Variants in MEF2A observed in about 807,000 individuals in gnomAD.
MEF2A encodes myocyte-specific enhancer factor 2A.
Under a neutral mutation model 55.8 loss-of-function variants are expected in MEF2A, and 28 were observed. The observed-to-expected ratio is 0.50, with a 90% confidence interval of 0.37 to 0.69. The LOEUF is 0.69. Among genes scored for constraint, MEF2A ranks in the 30% least tolerant of loss-of-function variants. MEF2A has a pLI of 0.00. For missense variants in MEF2A, 528 were observed against 626.2 expected (o/e 0.84, Z 1.67); for synonymous variants, 239 against 227.1 (o/e 1.05, Z -0.47).
chr15:99,667,444 C>T (rs976023173), intron 4 of MEF2A, among the ~76,000 whole-genome samples: 1 of 152,058 alleles, frequency 6.6e-6, no homozygotes, highest in Non-Finnish European at 1.5e-5. Context: ...AGGATGGTCT[C>T]AATCTCCTGA....
intron 5 of MEF2A, among the ~76,000 whole-genome samples, chr15:99,673,982 G>A (rs1045763509): frequency 3.3e-5 from 5 of 151,706 alleles, no homozygotes; most frequent in East Asian, 1.9e-4. Context: ...TTCTCCTTCC[G>A]TTATATTTGG....
At chr15:99,627,283 GAT>G (rs2042190613) in intron 2 of MEF2A, among the ~76,000 whole-genome samples, 1 of 151,906 alleles carries the variant, frequency 6.6e-6, no homozygotes, top group Admixed American at 6.6e-5. Context: ...AGCTGAACAT[GAT>G]GATGGATGCC....
intron 9 of MEF2A, 72 bp downstream of exon 9, chr15:99,703,457 TCTAA>T: frequency 6.7e-7 from 1 of 1,482,822 alleles, no homozygotes; most frequent in African/African-American, 1.4e-5. Flanking sequence ...CGTGTTGTTA[TCTAA>T]CCAATGTTCC....
intron 4 of MEF2A, among the ~76,000 whole-genome samples, chr15:99,664,780 T>C (rs956200450): frequency 2.6e-5 from 4 of 152,184 alleles, no homozygotes; most frequent in African/African-American, 9.7e-5. Context: ...GAAATGTTAG[T>C]AAAATATCCA....
rs139349838 is a variant in MEF2A at position 99,639,110 on chromosome 15, C to T, written c.54+5937C>T. ...GGTTCCAAAGGTAGAGTACAGAGAA[C>T]GATACTTCAAGGTTTGCTATATTCA... On this transcript the variant is annotated intron_variant, in intron 3 of 11. Coordinates refer to ENST00000557942, the MANE Select transcript of MEF2A (RefSeq NM_001319206.4). Among the ~76,000 whole-genome samples the T allele has an allele frequency of 3.3e-3, 506 of 152,130 alleles. 4 individuals are homozygous for T. Among genetic ancestry groups the T allele is most frequent in the African/African-American group, 0.01 (424 of 41,502 alleles).
chr15:99,674,720 C>A, intron 6 of MEF2A, 108 bp downstream of exon 6: 3 of 920,348 alleles, frequency 3.3e-6, no homozygotes, highest in Non-Finnish European at 5.0e-6. Context: ...CTTTGATGAG[C>A]AAGAATCACT....
intron 3 of MEF2A, among the ~76,000 whole-genome samples, chr15:99,640,085 T>C (rs981463853): frequency 3.3e-5 from 5 of 152,338 alleles, no homozygotes; most frequent in Middle Eastern, 3.4e-3. Context: ...TAAATCAAGA[T>C]TGGTTTTTTT....
intron 2 of MEF2A, among the ~76,000 whole-genome samples, chr15:99,603,212 C>T (rs193223030): frequency 7.6e-4 from 115 of 152,096 alleles, no homozygotes; most frequent in Middle Eastern, 3.4e-3. Context: ...CCTTGACCCA[C>T]GTCATTTTCA....
chr15:99,640,573 T>C (rs76146260), intron 3 of MEF2A, among the ~76,000 whole-genome samples: 1 of 151,038 alleles, frequency 6.6e-6, no homozygotes, highest in Non-Finnish European at 1.5e-5. Context: ...TTTTTTTTTT[T>C]TGAGACAGGG....
Position 99,657,068 on chromosome 15 carries a change from T to G in MEF2A, c.258+11304T>G, listed in dbSNP as rs151103343. Among the ~76,000 whole-genome samples the G allele has an allele frequency of 3.0e-3, 458 of 152,228 alleles. 4 individuals are homozygous for G. The highest frequency in any genetic ancestry group is 0.01 in the African/African-American group (428 of 41,558). On this transcript the variant is annotated intron_variant, in intron 4 of 11. Transcript: ENST00000557942. ...GATGGAGTCATGCAATATGTTCTTT[T>G]GTCCAGCTTTTTCACTTAGCATAAT...
chr15:99,577,979 A>G (rs1964824114), intron 1 of MEF2A, among the ~76,000 whole-genome samples: 1 of 152,316 alleles, frequency 6.6e-6, no homozygotes, highest in Non-Finnish European at 1.5e-5. Flanking sequence ...CTTATTACTA[A>G]TGACGTTAAT....
At position 99,630,092 on chromosome 15, in the gene MEF2A, G is replaced by A. The variant is rs1219623605; in HGVS notation, c.-142-2886G>A. ...GTGTGGTTTTCTTTGTATTTATTTT[G>A]CTTGAGGATTGATAGAGCTTCTTGA... is the stretch of plus-strand genomic sequence containing the variant. On this transcript the variant is annotated intron_variant, in intron 2 of 11. Transcript: ENST00000557942. Among the ~76,000 whole-genome samples, 3 of 139,126 alleles carry A rather than the reference G, an allele frequency of 2.2e-5. No homozygotes were observed. The East Asian group carries it at 6.4e-4, about 30-fold the overall frequency. The allele number at this position is 139,126 out of a possible 152,430, so 91.3% of individuals were successfully genotyped here.
At chr15:99,682,800 T>G (rs899006226) in intron 7 of MEF2A, among the ~76,000 whole-genome samples, 3 of 152,252 alleles carry the variant, frequency 2.0e-5, no homozygotes, top group African/African-American at 7.2e-5. Flanking sequence ...GTATTTGTGC[T>G]TCTTGATGAT....
At position 99,638,262 on chromosome 15, in the gene MEF2A, T is replaced by A. The variant is rs937023661; in HGVS notation, c.54+5089T>A. Among the ~76,000 whole-genome samples the A allele has an allele frequency of 1.1e-4, 16 of 146,588 alleles. 1 individual carries two copies. The highest frequency in any genetic ancestry group is 1.4e-4 in the African/African-American group (5 of 36,966). ...GGCCAGCTTTTGATCTTAAAAAAAA[T>A]TTTTTTTTTAAAGATAATGTGTCTT... On this transcript the variant is annotated intron_variant, in intron 3 of 11. Coordinates refer to ENST00000557942, the MANE Select transcript of MEF2A (RefSeq NM_001319206.4).
intron 7 of MEF2A, among the ~76,000 whole-genome samples, chr15:99,686,555 T>C (rs1253311701): frequency 6.6e-6 from 1 of 152,194 alleles, no homozygotes; most frequent in East Asian, 1.9e-4. Flanking sequence ...CCCAATCTCT[T>C]CTGGCTTGTA....
chr15:99,710,388 A>G lies in MEF2A; in HGVS notation c.1010-246A>G, dbSNP rs539924532. On this transcript the variant is annotated intron_variant, in intron 10 of 11. Transcript: ENST00000557942. ...CTCCCAAGTAGCTGGGACTACAGGC[A>G]TGCGCCACCACGCCTGGATAATTTT... 2.6e-5 allele frequency among the ~76,000 whole-genome samples: 4 copies of G among 152,252 alleles called. No homozygotes were observed. In the South Asian group the frequency reaches 6.2e-4, roughly 24 times the overall value.
chr15:99,654,364 C>T (rs2047338879), intron 4 of MEF2A, among the ~76,000 whole-genome samples: 1 of 151,634 alleles, frequency 6.6e-6, no homozygotes, highest in African/African-American at 2.4e-5. Flanking sequence ...TTTAATAGGG[C>T]AGAGAGAACA....
At chr15:99,608,963 G>A (rs1976143596) in intron 2 of MEF2A, among the ~76,000 whole-genome samples, 1 of 152,072 alleles carries the variant, frequency 6.6e-6, no homozygotes. Context: ...CCAGTATTCA[G>A]TATTTCAGTT....
At chr15:99,643,987 T>C (rs191911720) in intron 3 of MEF2A, among the ~76,000 whole-genome samples, 12 of 152,344 alleles carry the variant, frequency 7.9e-5, no homozygotes, top group Non-Finnish European at 4.4e-5. Flanking sequence ...ATATGTATCA[T>C]GAACAGACTA....
Sources: gnomAD v4.1 joint callset for allele counts (sites outside exome capture counted in the v4.1 genomes callset) on GRCh38, gnomAD v4.1.1 for gene constraint, MANE v1.5 for transcripts, NCBI Gene and HGNC (gene_info 2026-07-23, HGNC 2026-07-21) for gene names.